ZMYND8: variants seen among roughly 807,000 people sequenced by gnomAD.
The protein encoded by ZMYND8 is zinc finger MYND-type containing 8.
ZMYND8 carries 37 observed loss-of-function variants against 140.8 expected under a neutral mutation model. That is an observed-to-expected ratio of 0.26 (90% CI 0.20 to 0.35). ZMYND8 has a LOEUF of 0.35. ZMYND8 is among the 10% of genes least tolerant of loss of function. The pLI, the probability that ZMYND8 is intolerant of heterozygous loss-of-function variation, is 1.00. For missense variants in ZMYND8, 1,068 were observed against 1,570.0 expected (o/e 0.68, Z 5.40); for synonymous variants, 592 against 597.1 (o/e 0.99, Z 0.12).
chr20:47,332,437 T>C (rs2081036747), intron 2 of ZMYND8, among the ~76,000 whole-genome samples: 1 of 152,072 alleles, frequency 6.6e-6, no homozygotes, highest in African/African-American at 2.4e-5. Flanking sequence ...ACTCCAAGCA[T>C]GGTGGATCAC....
chr20:47,281,179 A>T (rs989423773), intron 10 of ZMYND8, among the ~76,000 whole-genome samples: 1 of 152,178 alleles, frequency 6.6e-6, no homozygotes, highest in Non-Finnish European at 1.5e-5. Context: ...CCATCTCAAT[A>T]ATTTCCATTT....
At position 47,276,665 on chromosome 20, in the gene ZMYND8, A is replaced by G. The variant is rs898620446; in HGVS notation, c.1129T>C (p.Phe377Leu). 1 of 1,613,574 alleles carries G rather than the reference A, an allele frequency of 6.2e-7. No individual in the cohort carries two copies. The highest frequency in any genetic ancestry group is 8.5e-7 in the Non-Finnish European group (1 of 1,179,916). The change falls in exon 11 of 23, where the codon TTT becomes CTT. Residue 377 changes from phenylalanine (F) to leucine (L), a missense_variant. This residue lies in a region of ZMYND8 where 49 missense variants were observed against 94.1 expected (regional missense o/e 0.52). Transcript: ENST00000471951. ...EVYVENIRRK[F>L]GVFNYSPFRT... is the part of the protein sequence containing the mutation. ...AATGGAGAGTAATTAAAAACCCCAA[A>G]CTTCCTGCGGATGTTCTCCACGTAA... is the stretch of plus-strand genomic sequence containing the variant.
intron 21 of ZMYND8, among the ~76,000 whole-genome samples, chr20:47,213,809 A>G (rs2035646774): frequency 6.6e-6 from 1 of 152,246 alleles, no homozygotes; most frequent in African/African-American, 2.4e-5. Context: ...CTCGAAGTCA[A>G]CAAATAATAT....
At chr20:47,272,171 G>A (rs561988217) in intron 11 of ZMYND8, among the ~76,000 whole-genome samples, 9 of 151,720 alleles carry the variant, frequency 5.9e-5, no homozygotes, top group East Asian at 3.9e-4. Flanking sequence ...TCTGCCTCCC[G>A]GATTCAAGCA....
intron 10 of ZMYND8, among the ~76,000 whole-genome samples, chr20:47,279,590 T>G (rs1006280705): frequency 6.6e-6 from 1 of 152,164 alleles, no homozygotes; most frequent in East Asian, 1.9e-4. Context: ...ATATCTAGTT[T>G]CACATTATCT....
rs75090856 is a variant in ZMYND8, at chr20:47,338,677, G to A, written c.85+9179C>T. On this transcript the variant is annotated intron_variant, in intron 2 of 22. Transcript: ENST00000471951. ...GCTACCACCACCGCCACTCACTATG[G>A]GGCACGAGAGCTCAGTTTCACATAA... Among the ~76,000 whole-genome samples the A allele has an allele frequency of 3.4e-3, 517 of 152,204 alleles. 3 individuals are homozygous for A. Among genetic ancestry groups the A allele is most frequent in the African/African-American group, 0.012 (506 of 41,504 alleles).
At chr20:47,255,628 C>CTCAGTA (rs1459136257) in intron 12 of ZMYND8, among the ~76,000 whole-genome samples, 8 of 131,192 alleles carry the variant, frequency 6.1e-5, no homozygotes, top group Non-Finnish European at 1.3e-4. Flanking sequence ...TATACATATA[C>CTCAGTA]TCAGTATATA....
At chr20:47,254,644 C>T (rs966128064) in intron 12 of ZMYND8, among the ~76,000 whole-genome samples, 1 of 150,130 alleles carries the variant, frequency 6.7e-6, no homozygotes, top group Non-Finnish European at 1.5e-5. Context: ...AATGGAAAAT[C>T]GCTGGGAAGG....
intron 19 of ZMYND8, among the ~76,000 whole-genome samples, chr20:47,221,965 C>G (rs970583419): frequency 1.3e-5 from 2 of 152,216 alleles, no homozygotes; most frequent in Admixed American, 6.5e-5. Flanking sequence ...CCGTGCCTAG[C>G]CAACATGTTG....
intron 2 of ZMYND8, chr20:47,319,788 G>C (rs1331713240): frequency 6.6e-6 from 1 of 152,244 alleles, no homozygotes; most frequent in Non-Finnish European, 1.5e-5. Flanking sequence ...CCTGGATCAA[G>C]AATGCCAAGT....
At chr20:47,320,664 C>A (rs1158009290) in intron 2 of ZMYND8, 2 of 152,246 alleles carry the variant, frequency 1.3e-5, no homozygotes, top group Non-Finnish European at 2.9e-5. Flanking sequence ...GGCTGGAGTG[C>A]AGTGAGTCGA....
chr20:47,227,969 T>C (rs1053323340), intron 17 of ZMYND8, among the ~76,000 whole-genome samples: 5 of 152,054 alleles, frequency 3.3e-5, no homozygotes, highest in Non-Finnish European at 5.9e-5. Flanking sequence ...GGCGCACGCC[T>C]GTAATCCCAG....
chr20:47,255,261 C>CAGGG (rs2074505694), intron 12 of ZMYND8, among the ~76,000 whole-genome samples: 2 of 152,020 alleles, frequency 1.3e-5, no homozygotes, highest in Non-Finnish European at 2.9e-5. Context: ...CGTGCAGGAA[C>CAGGG]AGGGGTATAG....
intron 2 of ZMYND8, among the ~76,000 whole-genome samples, chr20:47,340,250 G>T (rs2081737385): frequency 6.6e-6 from 1 of 152,128 alleles, no homozygotes; most frequent in African/African-American, 2.4e-5. Flanking sequence ...CCAGAAGCCA[G>T]GTGTTTTAAA....
intron 3 of ZMYND8, among the ~76,000 whole-genome samples, chr20:47,301,032 T>C (rs1438374343): frequency 6.6e-6 from 1 of 151,986 alleles, no homozygotes; most frequent in Non-Finnish European, 1.5e-5. Flanking sequence ...ATTTCCACAA[T>C]CCTTGATGAA....
At chr20:47,250,256 T>C (rs1353558338) in intron 12 of ZMYND8, among the ~76,000 whole-genome samples, 4 of 152,122 alleles carry the variant, frequency 2.6e-5, no homozygotes, top group Non-Finnish European at 5.9e-5. Context: ...ATTTCTTGGA[T>C]TCCTCTCCCA....
At chr20:47,316,938 G>C (rs552816422) in intron 2 of ZMYND8, among the ~76,000 whole-genome samples, 1 of 152,272 alleles carries the variant, frequency 6.6e-6, no homozygotes, top group East Asian at 1.9e-4. Context: ...GCTGGGATTT[G>C]AACCCAGGCA....
At chr20:47,286,765 C>T (rs2076948995) in intron 8 of ZMYND8, among the ~76,000 whole-genome samples, 1 of 152,230 alleles carries the variant, frequency 6.6e-6, no homozygotes, top group South Asian at 2.1e-4. Flanking sequence ...GTTCCATCCA[C>T]GCCATCACAA....
At chr20:47,255,594 G>GTA (rs1284777204) in intron 12 of ZMYND8, among the ~76,000 whole-genome samples, 2,936 of 124,210 alleles carry the variant, frequency 0.024, 51 homozygotes, top group Admixed American at 0.035. Context: ...GTGTGTGTGT[G>GTA]TATATATATA....
Sources: allele counts gnomAD v4.1 joint callset (sites outside exome capture counted in the v4.1 genomes callset), GRCh38; gene constraint gnomAD v4.1.1; regional missense constraint gnomAD v4.1.1; transcripts MANE v1.5; gene names NCBI Gene and HGNC (gene_info 2026-07-23, HGNC 2026-07-21).